TRIM2: variants seen among roughly 807,000 people sequenced by gnomAD.
TRIM2 encodes tripartite motif-containing protein 2.
Under a neutral mutation model 75.2 loss-of-function variants are expected in TRIM2, and 20 were observed. The observed-to-expected ratio is 0.27, with a 90% confidence interval of 0.19 to 0.39. The LOEUF (loss-of-function observed/expected upper bound fraction) is 0.39, where lower values mean the gene tolerates loss of function less well. Among genes scored for constraint, TRIM2 ranks in the 10% least tolerant of loss-of-function variants. The pLI is 1.00. For missense variants in TRIM2, 660 were observed against 990.8 expected (o/e 0.67, Z 4.48); for synonymous variants, 373 against 388.3 (o/e 0.96, Z 0.46).
chr4:153,265,397 T>A (rs926925576), intron 1 of TRIM2, among the ~76,000 whole-genome samples: 8 of 152,014 alleles, frequency 5.3e-5, no homozygotes, highest in Admixed American at 3.9e-4. Context: ...CAGGCTAGAA[T>A]GCAGTGGCAT....
intron 1 of TRIM2, among the ~76,000 whole-genome samples, chr4:153,231,378 T>C (rs975018237): frequency 4.6e-5 from 7 of 152,102 alleles, no homozygotes; most frequent in African/African-American, 1.7e-4. Context: ...TCAAGGATAA[T>C]ATAATTGAGG....
chr4:153,257,913 A>G (rs1202911651), intron 1 of TRIM2: 1 of 266,608 alleles, frequency 3.8e-6, no homozygotes, highest in Non-Finnish European at 7.5e-6. Context: ...TCTTTGCTTA[A>G]ACAAAGGCAC....
At chr4:153,211,797 C>A (rs1432681764) in intron 1 of TRIM2, among the ~76,000 whole-genome samples, 4 of 152,022 alleles carry the variant, frequency 2.6e-5, no homozygotes, top group Non-Finnish European at 5.9e-5. Flanking sequence ...CCTACAAATT[C>A]TTATATGACA....
intron 1 of TRIM2, among the ~76,000 whole-genome samples, chr4:153,221,944 TGAGG>T (rs1740398421): frequency 2.1e-5 from 1 of 47,850 alleles, no homozygotes; most frequent in Non-Finnish European, 3.9e-5. Flanking sequence ...AACGAAAGAG[TGAGG>T]AAGGAAGGAA....
intron 1 of TRIM2, among the ~76,000 whole-genome samples, chr4:153,224,338 A>G (rs983232826): frequency 6.6e-6 from 1 of 152,236 alleles, no homozygotes; most frequent in African/African-American, 2.4e-5. Context: ...TAGGGTAAAT[A>G]TGGATTCCCT....
At chr4:153,296,139 C>G in intron 6 of TRIM2, 103 bp downstream of exon 6, 1 of 1,402,796 alleles carries the variant, frequency 7.1e-7, no homozygotes, top group Non-Finnish European at 9.4e-7. Flanking sequence ...AGAACTCTAC[C>G]TGCAGGTGTT....
At chr4:153,217,982 C>T (rs1738943110) in intron 1 of TRIM2, among the ~76,000 whole-genome samples, 1 of 152,170 alleles carries the variant, frequency 6.6e-6, no homozygotes, top group South Asian at 2.1e-4. Flanking sequence ...TTATTATTTT[C>T]TTCCTATCAT....
intron 6 of TRIM2, among the ~76,000 whole-genome samples, chr4:153,309,400 G>A (rs992454475): frequency 6.6e-6 from 1 of 152,126 alleles, no homozygotes; most frequent in Admixed American, 6.6e-5. Flanking sequence ...TGGTATGTGA[G>A]AAAATGTACA....
chr4:153,314,419 C>CA (rs58410286), intron 6 of TRIM2, among the ~76,000 whole-genome samples: 2,242 of 58,132 alleles, frequency 0.039, 52 homozygotes, highest in East Asian at 0.1. Context: ...GACTCCGTCT[C>CA]AAAAAAAAAA....
chr4:153,233,462 T>G (rs1054061018), intron 1 of TRIM2, among the ~76,000 whole-genome samples: 2 of 152,246 alleles, frequency 1.3e-5, no homozygotes, highest in Admixed American at 1.3e-4. Flanking sequence ...ATTCTGTGAA[T>G]TTTGACAAAT....
intron 1 of TRIM2, among the ~76,000 whole-genome samples, chr4:153,221,929 A>G (rs56947759): frequency 5.0e-5 from 5 of 99,152 alleles, no homozygotes; most frequent in Admixed American, 1.1e-4. Context: ...GAGAGGGAGA[A>G]AAGGAACGAA....
upstream of TRIM2, among the ~76,000 whole-genome samples, chr4:153,203,251 G>A (rs989232088): frequency 7.9e-5 from 12 of 151,906 alleles, no homozygotes; most frequent in Non-Finnish European, 1.5e-5. Flanking sequence ...GATTATAGGT[G>A]CAAGCCTGTA....
intron 1 of TRIM2, among the ~76,000 whole-genome samples, chr4:153,235,278 A>C (rs953939701): frequency 2.7e-5 from 4 of 148,044 alleles, no homozygotes; most frequent in Middle Eastern, 3.4e-3. Flanking sequence ...TGCTTCATAG[A>C]GTTAAGATAA....
intron 3 of TRIM2, among the ~76,000 whole-genome samples, chr4:153,281,452 T>C (rs1027781307): frequency 1.3e-5 from 2 of 152,248 alleles, no homozygotes; most frequent in Non-Finnish European, 2.9e-5. Flanking sequence ...ATCATTCTAT[T>C]GTTTGATTAT....
intron 1 of TRIM2, among the ~76,000 whole-genome samples, chr4:153,210,831 C>T (rs960816827): frequency 6.6e-6 from 1 of 152,134 alleles, no homozygotes; most frequent in Non-Finnish European, 1.5e-5. Flanking sequence ...GAAAAGACCC[C>T]ATAAGGCAGC....
At chr4:153,173,200 G>A (rs1304339822) in intron 1 of TRIM2, among the ~76,000 whole-genome samples, 2 of 152,102 alleles carry the variant, frequency 1.3e-5, no homozygotes, top group Non-Finnish European at 2.9e-5. Context: ...GGCCCAGAAG[G>A]CAGAGCACTG....
intron 3 of TRIM2, among the ~76,000 whole-genome samples, chr4:153,289,370 T>C (rs1761364708): frequency 6.6e-6 from 1 of 152,212 alleles, no homozygotes; most frequent in Non-Finnish European, 1.5e-5. Flanking sequence ...GCTAATGAAG[T>C]CTGTTCCAGT....
chr4:153,276,418 TA>T (rs1324319364), intron 3 of TRIM2: 2 of 490,586 alleles, frequency 4.1e-6, no homozygotes, highest in African/African-American at 2.6e-5. Flanking sequence ...ATCTGTGTAA[TA>T]AATTTATGGA....
intron 1 of TRIM2, among the ~76,000 whole-genome samples, chr4:153,181,030 GTGAGAAGGGC>G (rs1210430472): frequency 6.6e-6 from 1 of 152,206 alleles, no homozygotes; most frequent in East Asian, 1.9e-4. Flanking sequence ...ATATAGAAAA[GTGAGAAGGGC>G]TGAGGAGTGG....
Sources: gnomAD v4.1 joint callset for allele counts (sites outside exome capture counted in the v4.1 genomes callset) on GRCh38, gnomAD v4.1.1 for gene constraint, MANE v1.5 for transcripts, NCBI Gene and HGNC (gene_info 2026-07-23, HGNC 2026-07-21) for gene names.